The following JAKMIP2 variants were observed in gnomAD, a reference collection of about 807,000 sequenced individuals.
JAKMIP2 encodes janus kinase and microtubule interacting protein 2.
A neutral mutation model predicts 115.0 loss-of-function variants in JAKMIP2; 25 were observed. The ratio of observed to expected loss-of-function variants is 0.22; its 90% confidence interval spans 0.16 to 0.30. The LOEUF (loss-of-function observed/expected upper bound fraction) is 0.30. Ranked by LOEUF, JAKMIP2 falls within the 10% of genes least tolerant of loss-of-function variation. JAKMIP2 has a pLI of 1.00. For synonymous variants in JAKMIP2, 334 were observed against 343.6 expected, an observed-to-expected ratio of 0.97 and a Z score of 0.31; for missense variants, 642 against 957.6, an observed-to-expected ratio of 0.67 and a Z score of 4.35.
intron 1 of JAKMIP2, among the ~76,000 whole-genome samples, chr5:147,762,677 A>C (rs951487725): frequency 6.6e-6 from 1 of 152,134 alleles, no homozygotes; most frequent in Non-Finnish European, 1.5e-5. Context: ...TAAAGGGCCT[A>C]TCTCCAAATG....
chr5:147,702,656 GAA>G (rs1491488536), intron 1 of JAKMIP2, among the ~76,000 whole-genome samples: 14 of 116,252 alleles, frequency 1.2e-4, no homozygotes, highest in South Asian at 5.7e-4. Context: ...AAGAAAGAAA[GAA>G]AGAAAGAGAG....
chr5:147,764,683 C>A (rs971425841), intron 1 of JAKMIP2, among the ~76,000 whole-genome samples: 1 of 151,534 alleles, frequency 6.6e-6, no homozygotes, highest in African/African-American at 2.4e-5. Context: ...GTCAACAGAT[C>A]AAGACCATCC....
chr5:147,618,430 G>A (rs1319104640), intron 18 of JAKMIP2, among the ~76,000 whole-genome samples: 2 of 146,284 alleles, frequency 1.4e-5, no homozygotes, highest in Non-Finnish European at 2.9e-5. Context: ...GAATAAGTGT[G>A]TTCTCACTTC....
chr5:147,662,995 G>GA (rs140604834), intron 2 of JAKMIP2, among the ~76,000 whole-genome samples: 10,962 of 145,446 alleles, frequency 0.075, 591 homozygotes, highest in East Asian at 0.22. Context: ...CAAAAAAGAA[G>GA]AAAAAAAAAA....
At chr5:147,776,476 C>A (rs1755559874) in intron 1 of JAKMIP2, among the ~76,000 whole-genome samples, 1 of 152,176 alleles carries the variant, frequency 6.6e-6, no homozygotes, top group African/African-American at 2.4e-5. Flanking sequence ...CCCAGCCCTG[C>A]AGAACAGTAA....
chr5:147,628,627 T>C (rs1757218957), intron 16 of JAKMIP2, 124 bp downstream of exon 16: 1 of 614,988 alleles, frequency 1.6e-6, no homozygotes, highest in Admixed American at 2.9e-5. Flanking sequence ...CCCTTAAAAA[T>C]AAAATGTGTA....
intron 1 of JAKMIP2, among the ~76,000 whole-genome samples, chr5:147,696,749 A>G (rs1391360755): frequency 6.6e-6 from 1 of 152,172 alleles, no homozygotes; most frequent in Non-Finnish European, 1.5e-5. Flanking sequence ...CTTTGACCAA[A>G]ATGCTGATAG....
At chr5:147,637,579 A>G (rs918864390) in intron 10 of JAKMIP2, among the ~76,000 whole-genome samples, 18 of 151,572 alleles carry the variant, frequency 1.2e-4, no homozygotes, top group African/African-American at 4.4e-4. Flanking sequence ...AGCTTGGATT[A>G]CAGGCACCGG....
At chr5:147,705,929 C>T (rs1226304954) in intron 1 of JAKMIP2, among the ~76,000 whole-genome samples, 1 of 152,198 alleles carries the variant, frequency 6.6e-6, no homozygotes, top group Non-Finnish European at 1.5e-5. Context: ...CACAAGCTTT[C>T]TGCAGAGTAA....
intron 1 of JAKMIP2, among the ~76,000 whole-genome samples, chr5:147,675,473 C>CT (rs201097949): frequency 0.015 from 2,256 of 145,810 alleles, 31 homozygotes; most frequent in African/African-American, 0.02. Flanking sequence ...CCTTGTGCTG[C>CT]TTTTTTTTTT....
chr5:147,675,782 C>CTTT (rs1561531706), intron 1 of JAKMIP2, among the ~76,000 whole-genome samples: 3 of 126,798 alleles, frequency 2.4e-5, no homozygotes, highest in Non-Finnish European at 3.3e-5. Context: ...AATCATATGA[C>CTTT]ATTTTTTTTT....
At chr5:147,673,789 A>T (rs1447812429) in intron 1 of JAKMIP2, among the ~76,000 whole-genome samples, 1 of 152,016 alleles carries the variant, frequency 6.6e-6, no homozygotes, top group African/African-American at 2.4e-5. Context: ...ATAGTACTTA[A>T]ACTCAAGTAG....
intron 7 of JAKMIP2, among the ~76,000 whole-genome samples, chr5:147,643,095 T>C (rs559957685): frequency 6.6e-6 from 1 of 152,256 alleles, no homozygotes; most frequent in East Asian, 1.9e-4. Context: ...TGCGATCGTG[T>C]GTGCCAATAC....
chr5:147,620,830 C>T (rs186857064), intron 17 of JAKMIP2, 87 bp from the exon 18 acceptor site: 1 of 954,884 alleles, frequency 1.0e-6, no homozygotes, highest in East Asian at 2.5e-5. Context: ...TCCTCTAATT[C>T]TACCATAAGA....
chr5:147,723,712 G>A (rs1391730892), intron 1 of JAKMIP2, among the ~76,000 whole-genome samples: 1 of 152,088 alleles, frequency 6.6e-6, no homozygotes, highest in African/African-American at 2.4e-5. Flanking sequence ...TTACTATGCA[G>A]TCTGTATAAC....
intron 1 of JAKMIP2, among the ~76,000 whole-genome samples, chr5:147,687,062 CTATAA>C (rs1161086475): frequency 6.6e-6 from 1 of 151,974 alleles, no homozygotes; most frequent in Non-Finnish European, 1.5e-5. Flanking sequence ...GAGTCCTGGC[CTATAA>C]TATTCTAGAT....
At chr5:147,618,643 C>T (rs1450056485) in intron 18 of JAKMIP2, among the ~76,000 whole-genome samples, 1 of 152,114 alleles carries the variant, frequency 6.6e-6, no homozygotes, top group Admixed American at 6.5e-5. Flanking sequence ...GAGGCTGAGA[C>T]AGAAGAATCA....
chr5:147,718,580 G>A (rs1220660157), intron 1 of JAKMIP2, among the ~76,000 whole-genome samples: 11 of 151,286 alleles, frequency 7.3e-5, no homozygotes, highest in African/African-American at 2.4e-4. Context: ...TCTTGGGAGA[G>A]TGTATGTGTC....
chr5:147,596,802 G>A (rs1755410791), intron 21 of JAKMIP2, among the ~76,000 whole-genome samples: 2 of 152,108 alleles, frequency 1.3e-5, no homozygotes, highest in Non-Finnish European at 1.5e-5. Flanking sequence ...TTACTAACTG[G>A]CATAAACTGA....
Sources: gnomAD v4.1 joint callset for allele counts (sites outside exome capture counted in the v4.1 genomes callset) on GRCh38, gnomAD v4.1.1 for gene constraint, MANE v1.5 for transcripts, NCBI Gene and HGNC (gene_info 2026-07-23, HGNC 2026-07-21) for gene names.